The following CACNA1E variants were observed in gnomAD, a reference collection of about 807,000 sequenced individuals.
CACNA1E encodes the protein calcium voltage-gated channel subunit alpha1 E.
Under a neutral mutation model 259.2 loss-of-function variants are expected in CACNA1E, and 40 were observed. That is an observed-to-expected ratio of 0.15 (90% CI 0.12 to 0.20). The LOEUF (loss-of-function observed/expected upper bound fraction) is 0.20, where lower values mean the gene tolerates loss of function less well. Among genes scored for constraint, CACNA1E ranks in the 10% least tolerant of loss-of-function variants. The probability of loss-of-function intolerance (pLI) is 1.00; values close to 1 mark genes in which losing one functional copy is unlikely to be tolerated. For synonymous variants in CACNA1E, 1,104 were observed against 1,138.5 expected (o/e 0.97, Z 0.61); for missense variants, 1,874 against 3,040.1 (o/e 0.62, Z 9.02).
rs367698174 is a variant in CACNA1E at position 181,737,088 on chromosome 1, C to T, written c.3423-437C>T. The stretch of plus-strand genomic sequence containing the variant: ...TTACTTTAACCAGAATAACCTGGGG[C>T]TCATGAAAACTCATTACTGCTTTCG... On this transcript the variant is annotated intron_variant, in intron 22 of 47. Transcript: ENST00000367573. Among the ~76,000 whole-genome samples, 36 of 152,338 alleles carry T rather than the reference C, an allele frequency of 2.4e-4. No homozygotes were observed. The South Asian group carries it at 7.3e-3, about 31-fold the overall frequency.
At chr1:181,650,354 A>G (rs980171491) in intron 6 of CACNA1E, among the ~76,000 whole-genome samples, 5 of 152,192 alleles carry the variant, frequency 3.3e-5, no homozygotes, top group African/African-American at 1.2e-4. Context: ...GAGATAAAAT[A>G]TCTGTTGTAA....
At chr1:181,752,810 A>G (rs1047519066) in intron 27 of CACNA1E, among the ~76,000 whole-genome samples, 9 of 152,206 alleles carry the variant, frequency 5.9e-5, no homozygotes, top group Non-Finnish European at 1.3e-4. Flanking sequence ...TCCTATTGCC[A>G]GGACCTTTAC....
At chr1:181,694,685 T>C (rs1263547603) in intron 7 of CACNA1E, among the ~76,000 whole-genome samples, 1 of 152,220 alleles carries the variant, frequency 6.6e-6, no homozygotes, top group Admixed American at 6.5e-5. Flanking sequence ...TTTTGGTTTA[T>C]TGTAAATTAC....
chr1:181,685,323 A>G (rs1241555647), intron 7 of CACNA1E, among the ~76,000 whole-genome samples: 1 of 148,262 alleles, frequency 6.7e-6, no homozygotes, highest in Admixed American at 6.9e-5. Context: ...TTGTGCAACC[A>G]TATATATTAT....
chr1:181,678,478 G>A (rs1245680062), intron 7 of CACNA1E, among the ~76,000 whole-genome samples: 2 of 152,150 alleles, frequency 1.3e-5, no homozygotes, highest in African/African-American at 2.4e-5. Flanking sequence ...AGTGTTAACC[G>A]CCTGTTAGAA....
At chr1:181,741,630 T>C (rs975577326) in intron 25 of CACNA1E, among the ~76,000 whole-genome samples, 2 of 152,104 alleles carry the variant, frequency 1.3e-5, no homozygotes, top group Non-Finnish European at 2.9e-5. Context: ...AGGAGGTGTG[T>C]TTTAGAGGGA....
chr1:181,623,783 G>C (rs56015938), intron 6 of CACNA1E, among the ~76,000 whole-genome samples: 13,265 of 152,240 alleles, frequency 0.087, 703 homozygotes, highest in South Asian at 0.15. Context: ...TGAGCCTTCA[G>C]AAAGTCTTAA....
chr1:181,403,189 G>A (rs1657225788), intron 1 of CACNA1E, among the ~76,000 whole-genome samples: 2 of 151,722 alleles, frequency 1.3e-5, no homozygotes, highest in African/African-American at 4.8e-5. Flanking sequence ...TTGTAAAATT[G>A]AGTTCACAGT....
At chr1:181,646,530 G>A (rs1658281078) in intron 6 of CACNA1E, among the ~76,000 whole-genome samples, 1 of 152,148 alleles carries the variant, frequency 6.6e-6, no homozygotes, top group South Asian at 2.1e-4. Flanking sequence ...AACACACTCA[G>A]CCTCCCCACT....
chr1:181,721,351 C>G (rs547827462), intron 15 of CACNA1E, among the ~76,000 whole-genome samples: 1 of 152,284 alleles, frequency 6.6e-6, no homozygotes, highest in East Asian at 1.9e-4. Context: ...GACCACAACC[C>G]GTTTCCTGAA....
At position 181,736,549 on chromosome 1, in the gene CACNA1E, C is replaced by T. The variant is rs1054138188; in HGVS notation, c.3422+115C>T. 3.1e-6 allele frequency: 3 copies of T among 956,514 alleles called. No individual in the cohort carries two copies. The African/African-American group carries it at 5.0e-5, about 16-fold the overall frequency. 59.3% of individuals were successfully genotyped at this position (956,514 alleles called of 1,614,324 possible). A position where few individuals can be genotyped will look rare whatever the true frequency, so the allele number is the denominator to read the frequency against. On this transcript the variant is annotated intron_variant, in intron 22 of 47. Transcript: ENST00000367573. ...GGGCCCAGCCATCTTCTTAAGCCTT[C>T]CTGGTGGAGCATGGCCAGACATTGA...
chr1:181,441,176 C>T lies in CACNA1E; in HGVS notation c.434+27596C>T, dbSNP rs866742541. Among the ~76,000 whole-genome samples, 10 of 152,096 alleles carry T rather than the reference C, an allele frequency of 6.6e-5. No homozygotes were observed. The Middle Eastern group carries it at 0.014, about 207-fold the overall frequency. On this transcript the variant is annotated intron_variant, in intron 2 of 11. Coordinates refer to the CACNA1E transcript ENST00000524607. ...TCATTGCTCTTTTTTGAGACAAAGT[C>T]CCACTCTGTCACCCAGGCTGGAGTG...
chr1:181,701,827 G>A (rs575892297), intron 7 of CACNA1E, among the ~76,000 whole-genome samples: 121 of 152,294 alleles, frequency 7.9e-4, no homozygotes, highest in African/African-American at 2.7e-3. Context: ...TAATGAAATA[G>A]TGTAGCATCC....
At chr1:181,723,048 A>T (rs1654553523) in intron 16 of CACNA1E, among the ~76,000 whole-genome samples, 1 of 152,230 alleles carries the variant, frequency 6.6e-6, no homozygotes. Context: ...TTGAGACTTC[A>T]GGCACTAGAG....
In CACNA1E at chr1:181,802,342, G is replaced by A. The variant is rs2102929588; in HGVS notation, c.*3508G>A. 1 of 152,304 alleles carries A rather than the reference G, an allele frequency of 6.6e-6. No individual in the cohort carries two copies. Among genetic ancestry groups the A allele is most frequent in the African/African-American group, 2.4e-5 (1 of 41,546 alleles). 9.4% of individuals were successfully genotyped at this position (152,304 alleles called of 1,614,324 possible). On this transcript the variant is annotated 3_prime_UTR_variant, in exon 48 of 48. Transcript: ENST00000367573. ...CAGAAGCTGAAGTCCAAATGTTCTA[G>A]ATTTTGACCTCTCTTGACTCTGGGG...
chr1:181,492,077 A>T (rs1006484847), intron 1 of CACNA1E, among the ~76,000 whole-genome samples: 2 of 152,236 alleles, frequency 1.3e-5, no homozygotes, highest in African/African-American at 2.4e-5. Flanking sequence ...AATTTTCCTC[A>T]GGATTCTTTC....
At chr1:181,675,794 C>T (rs1367077498) in intron 7 of CACNA1E, among the ~76,000 whole-genome samples, 1 of 152,196 alleles carries the variant, frequency 6.6e-6, no homozygotes, top group Non-Finnish European at 1.5e-5. Context: ...TGCGGGATTG[C>T]CGTCAGGGGT....
chr1:181,677,794 T>C (rs1236065467), intron 7 of CACNA1E, among the ~76,000 whole-genome samples: 4 of 152,212 alleles, frequency 2.6e-5, no homozygotes, highest in Non-Finnish European at 4.4e-5. Flanking sequence ...GGAACTTATA[T>C]AAGCCCAGGG....
In CACNA1E at chr1:181,577,782, G is replaced by C. The variant is rs764053956; in HGVS notation, c.529G>C (p.Gly177Arg). ...VVLSGILATA[G>R]THFNTHVDLR... ...TGTCTGCAGCATCCTGGCCACTGCA[G>C]GAACCCACTTCAATACTCACGTGGA... The change falls in exon 4 of 48, where the codon GGA (glycine) becomes CGA (arginine). Residue 177 changes from glycine to arginine, a missense_variant. Coordinates refer to ENST00000367573, the MANE Select transcript of CACNA1E (RefSeq NM_001205293.3). 6.2e-7 allele frequency: 1 copy of C among 1,608,720 alleles called. No homozygotes were observed.
Sources: gnomAD v4.1 joint callset for allele counts (sites outside exome capture counted in the v4.1 genomes callset) on GRCh38, gnomAD v4.1.1 for gene constraint, MANE v1.5 for transcripts, NCBI Gene and HGNC (gene_info 2026-07-23, HGNC 2026-07-21) for gene names.